The following GRM8 variants were observed in gnomAD, a reference collection of about 807,000 sequenced individuals.
The protein encoded by GRM8 is metabotropic glutamate receptor 8.
A neutral mutation model predicts 87.2 loss-of-function variants in GRM8; 47 were observed. That is an observed-to-expected ratio of 0.54 (90% CI 0.43 to 0.69). The LOEUF is 0.69. Among genes scored for constraint, GRM8 ranks in the 30% least tolerant of loss-of-function variants. The pLI is 0.00. For synonymous variants in GRM8, 396 were observed against 404.5 expected, an observed-to-expected ratio of 0.98 and a Z score of 0.25; for missense variants, 1,019 against 1,139.2, an observed-to-expected ratio of 0.89 and a Z score of 1.52.
At chr7:127,037,024 GAC>G (rs1478477548) in intron 3 of GRM8, among the ~76,000 whole-genome samples, 7 of 152,082 alleles carry the variant, frequency 4.6e-5, no homozygotes, top group African/African-American at 1.7e-4. Context: ...GAGCCAGAGA[GAC>G]AGAATATTGC....
chr7:126,686,899 T>C (rs568643750), intron 7 of GRM8, among the ~76,000 whole-genome samples: 1 of 152,298 alleles, frequency 6.6e-6, no homozygotes, highest in South Asian at 2.1e-4. Context: ...TCCAAAGATA[T>C]GTGAAAAACC....
At chr7:126,452,352 G>A (rs939896739) in intron 9 of GRM8, among the ~76,000 whole-genome samples, 3 of 150,482 alleles carry the variant, frequency 2.0e-5, no homozygotes, top group African/African-American at 7.3e-5. Context: ...GTTAATGGGT[G>A]CAGCACACCA....
intron 6 of GRM8, among the ~76,000 whole-genome samples, chr7:126,814,442 A>G (rs1457027758): frequency 6.6e-6 from 1 of 152,090 alleles, no homozygotes; most frequent in Non-Finnish European, 1.5e-5. Context: ...TCAATATTCT[A>G]TACAACTGGA....
At chr7:127,074,552 T>C (rs1822065979) in intron 3 of GRM8, among the ~76,000 whole-genome samples, 1 of 152,192 alleles carries the variant, frequency 6.6e-6, no homozygotes, top group Non-Finnish European at 1.5e-5. Context: ...ACCTTGGAAC[T>C]GGCTCACAAT....
chr7:126,933,584 C>T (rs907549168), intron 3 of GRM8, among the ~76,000 whole-genome samples: 3 of 152,102 alleles, frequency 2.0e-5, no homozygotes, highest in Admixed American at 6.6e-5. Context: ...CTGGACATAC[C>T]GGCTGATAAT....
At chr7:126,910,369 T>G (rs2896382) in intron 3 of GRM8, among the ~76,000 whole-genome samples, 2 of 152,184 alleles carry the variant, frequency 1.3e-5, no homozygotes, top group African/African-American at 2.4e-5. Context: ...TACCCCAACA[T>G]GTATCACTGC....
At chr7:126,607,669 C>T (rs945964891) in intron 8 of GRM8, among the ~76,000 whole-genome samples, 1 of 152,028 alleles carries the variant, frequency 6.6e-6, no homozygotes, top group Non-Finnish European at 1.5e-5. Flanking sequence ...TAAAAACATC[C>T]TACTGTCTAC....
At chr7:127,050,734 G>T (rs17867256) in intron 3 of GRM8, among the ~76,000 whole-genome samples, 1 of 152,138 alleles carries the variant, frequency 6.6e-6, no homozygotes, top group Non-Finnish European at 1.5e-5. Flanking sequence ...GCAGAGAGCC[G>T]ATGACGTTCT....
At chr7:126,644,852 T>G (rs550736938) in intron 7 of GRM8, among the ~76,000 whole-genome samples, 1 of 152,366 alleles carries the variant, frequency 6.6e-6, no homozygotes, top group African/African-American at 2.4e-5. Context: ...TTATTCTCTG[T>G]GAGGATACTA....
chr7:126,766,617 C>T (rs1421543590), intron 7 of GRM8, among the ~76,000 whole-genome samples: 1 of 152,090 alleles, frequency 6.6e-6, no homozygotes, highest in Non-Finnish European at 1.5e-5. Context: ...CATTCTTTGA[C>T]AACTGGCAAT....
At chr7:126,775,838 C>T (rs141602110) in intron 6 of GRM8, among the ~76,000 whole-genome samples, 89 of 152,202 alleles carry the variant, frequency 5.8e-4, no homozygotes, top group African/African-American at 2.1e-3. Flanking sequence ...GGCATTGCCA[C>T]TCTTAGGGAC....
chr7:126,720,084 T>A (rs566496586), intron 7 of GRM8, among the ~76,000 whole-genome samples: 70 of 151,830 alleles, frequency 4.6e-4, no homozygotes, highest in African/African-American at 1.6e-3. Flanking sequence ...CTTCTTACCT[T>A]CCTTTCTTGT....
At chr7:126,644,398 T>C (rs1242304147) in intron 7 of GRM8, among the ~76,000 whole-genome samples, 1 of 152,176 alleles carries the variant, frequency 6.6e-6, no homozygotes, top group Non-Finnish European at 1.5e-5. Context: ...TTTTCAAGGC[T>C]TAAATATGTC....
intron 6 of GRM8, among the ~76,000 whole-genome samples, chr7:126,836,750 T>G (rs1285207247): frequency 6.6e-6 from 1 of 152,236 alleles, no homozygotes; most frequent in East Asian, 1.9e-4. Context: ...ATTCTTCCTT[T>G]GAAACATTTA....
At position 126,649,292 on chromosome 7, in the gene GRM8, C is replaced by T. The variant is rs1803525852; in HGVS notation, c.1358-39794G>A. On this transcript the variant is annotated intron_variant, in intron 7 of 10. Transcript: ENST00000339582. ...GCAGACCCACCCTTAATATGGGTGG[C>T]CACCATCTAATCAGCTGCCAGCACA... is the stretch of plus-strand genomic sequence containing the variant. Among the ~76,000 whole-genome samples the T allele has an allele frequency of 3.3e-5, 5 of 152,198 alleles. 1 individual carries two copies. In the South Asian group the frequency reaches 1.0e-3, roughly 32 times the overall value.
chr7:126,924,395 TTA>T (rs758996470), intron 3 of GRM8, among the ~76,000 whole-genome samples: 2 of 152,200 alleles, frequency 1.3e-5, no homozygotes, highest in Non-Finnish European at 2.9e-5. Context: ...TTTTCCTGCA[TTA>T]TGTCATTCTA....
At chr7:127,051,854 C>A (rs1026632968) in intron 3 of GRM8, among the ~76,000 whole-genome samples, 1 of 151,342 alleles carries the variant, frequency 6.6e-6, no homozygotes, top group African/African-American at 2.4e-5. Flanking sequence ...TTGTGGCATG[C>A]CCACATGTAG....
intron 8 of GRM8, among the ~76,000 whole-genome samples, chr7:126,571,331 C>T (rs1794671882): frequency 6.6e-6 from 1 of 152,066 alleles, no homozygotes. Flanking sequence ...CCCATGGAGA[C>T]ACAGCACACA....
chr7:126,850,264 G>C (rs1158740314), intron 6 of GRM8, among the ~76,000 whole-genome samples: 4 of 152,104 alleles, frequency 2.6e-5, no homozygotes, highest in Non-Finnish European at 5.9e-5. Context: ...ATACATTCCT[G>C]GTTTACCTTC....
Sources: allele counts gnomAD v4.1 joint callset (sites outside exome capture counted in the v4.1 genomes callset), GRCh38; gene constraint gnomAD v4.1.1; transcripts MANE v1.5; gene names NCBI Gene and HGNC (gene_info 2026-07-23, HGNC 2026-07-21).